Variants in DDX17 observed in about 807,000 individuals in gnomAD.
The protein encoded by DDX17 is DEAD-box helicase 17, also known as probable ATP-dependent RNA helicase DDX17.
DDX17 carries 10 observed loss-of-function variants against 80.8 expected under a neutral mutation model. That is an observed-to-expected ratio of 0.12 (90% CI 0.08 to 0.21). DDX17 has a LOEUF of 0.21. Ranked by LOEUF, DDX17 falls within the 10% of genes least tolerant of loss-of-function variation. The probability of loss-of-function intolerance (pLI) is 1.00; values close to 1 mark genes in which losing one functional copy is unlikely to be tolerated. For missense variants in DDX17, 586 were observed against 957.4 expected (o/e 0.61, Z 5.12); for synonymous variants, 339 against 336.2 (o/e 1.01, Z -0.09).
At position 38,489,960 on chromosome 22, in the gene DDX17, G is replaced by A. The variant is rs984238787; in HGVS notation, c.1448-1845C>T. 5.9e-6 allele frequency: 6 copies of A among 1,011,444 alleles called. No individual in the cohort carries two copies. Among genetic ancestry groups the A allele is most frequent in the South Asian group, 3.9e-5 (1 of 25,320 alleles). 62.7% of individuals were successfully genotyped at this position (1,011,444 alleles called of 1,614,324 possible). The stretch of plus-strand genomic sequence containing the variant: ...CAAGTTCAATTACTACACTGGATGC[G>A]TTAAGTGTGCTTTCCTAGCAGAAAG... On this transcript the variant is annotated intron_variant, in intron 11 of 12. Coordinates refer to ENST00000403230, the MANE Select transcript of DDX17 (RefSeq NM_006386.5). This position sits in a 1 kb window ranked among gnomAD's most constrained non-coding sequence, Gnocchi z 4.6.
chr22:38,488,754 C>A, intron 11 of DDX17: 1 of 985,772 alleles, frequency 1.0e-6, no homozygotes, highest in Non-Finnish European at 1.2e-6. Context: ...GCAGAAACAT[C>A]CAGATTATCT....
intron 11 of DDX17, chr22:38,488,657 TTTGA>T (rs995780881): frequency 2.0e-6 from 2 of 987,606 alleles, no homozygotes; most frequent in Non-Finnish European, 1.2e-6. Flanking sequence ...ACTTAAATGT[TTTGA>T]TTAACATTTA....
Position 38,494,125 on chromosome 22 carries a change from G to A in DDX17, c.1221C>T (p.Ile407=). 6.2e-7 allele frequency: 1 copy of A among 1,608,170 alleles called. No individual in the cohort carries two copies. The highest frequency in any genetic ancestry group is 8.5e-7 in the Non-Finnish European group (1 of 1,175,008). Residue 407 remains isoleucine, a synonymous_variant, in exon 9 of 13, where the codon ATC becomes ATT. Transcript: ENST00000403230. Reference sequence around the variant, plus strand: ...CAGCCATTATTTCTTCCATTAGTTGGATCAACCTGAAAACATGACCAACAA... The same window carrying A: ...CAGCCATTATTTCTTCCATTAGTTGAATCAACCTGAAAACATGACCAACAA...
intron 8 of DDX17, 28 bp downstream of exon 8, chr22:38,494,602 T>C (rs2089743652): frequency 1.2e-6 from 2 of 1,608,452 alleles, no homozygotes; most frequent in African/African-American, 2.7e-5. Context: ...ATCAGCATTA[T>C]CAAATCAGAG....
chr22:38,492,647 C>T lies in DDX17; in HGVS notation c.1388-532G>A, dbSNP rs188720401. 3.7e-3 allele frequency among the ~76,000 whole-genome samples: 560 copies of T among 152,226 alleles called. 1 individual carries two copies. The highest frequency in any genetic ancestry group is 0.013 in the African/African-American group (532 of 41,528). On this transcript the variant is annotated intron_variant, in intron 10 of 12. Transcript: ENST00000403230. ...GATTACAGGCATATGCCACCATGCC[C>T]GGCTAATTTTGTATTTTTAGTAGAG...
At chr22:38,497,297 C>CA (rs138448) in intron 5 of DDX17, among the ~76,000 whole-genome samples, 1,211 of 36,154 alleles carry the variant, frequency 0.033, 179 homozygotes, top group African/African-American at 0.075. Flanking sequence ...AACTCCATCT[C>CA]AAAAAAAAAA....
chr22:38,499,892 C>G (rs576411567), intron 2 of DDX17, among the ~76,000 whole-genome samples: 1 of 151,908 alleles, frequency 6.6e-6, no homozygotes, highest in African/African-American at 2.4e-5. Context: ...TGGCTGGGCA[C>G]GGTGGCTCCC....
rs1007394253 is a variant in DDX17, at chr22:38,484,171, T to C, written c.*1764A>G. On this transcript the variant is annotated 3_prime_UTR_variant, in exon 13 of 13. Transcript: ENST00000403230. The stretch of plus-strand genomic sequence containing the variant: ...TTTGGGGTTGGGGGGAACACTTTGG[T>C]TTGAAAGCACAGAGCAGTTTGCCAT... 6.6e-6 allele frequency: 1 copy of C among 151,476 alleles called. No individual in the cohort carries two copies. Among genetic ancestry groups the C allele is most frequent in the African/African-American group, 2.4e-5 (1 of 41,108 alleles). The allele number at this position is 151,476 out of a possible 1,614,324, so 9.4% of individuals were successfully genotyped here.
intron 6 of DDX17, 139 bp downstream of exon 6, chr22:38,495,657 G>A: frequency 4.6e-6 from 3 of 647,712 alleles, no homozygotes; most frequent in Non-Finnish European, 7.4e-6. Flanking sequence ...CAAAATAGCT[G>A]TTTTAGTCAC....
rs768727181 is a variant in DDX17, at chr22:38,506,176, G to A, written c.62C>T (p.Ala21Val). 1.3e-6 allele frequency: 2 copies of A among 1,599,188 alleles called. No individual in the cohort carries two copies. Among genetic ancestry groups the A allele is most frequent in the Non-Finnish European group, 8.5e-7 (1 of 1,173,956 alleles). The change falls in exon 1 of 13, where the codon GCG becomes GTG. Residue 21 changes from alanine to valine, a missense_variant. Ala to Val is a moderately conservative substitution (Grantham distance 64, BLOSUM62 0). Transcript: ENST00000403230. ...TCCCGTCGCAGACGCCACCGTCGCC[G>A]CCTCTCTCGTCGGAGACGGGAGCAA...
intron 11 of DDX17, 167 bp downstream of exon 11, chr22:38,491,889 G>A: frequency 2.1e-6 from 1 of 466,760 alleles, no homozygotes; most frequent in Non-Finnish European, 3.7e-6. Context: ...AAAAATTGTG[G>A]GGGGGGCAGG....
chr22:38,505,837 C>A (rs2089876589), intron 1 of DDX17, 114 bp downstream of exon 1: 34 of 1,337,066 alleles, frequency 2.5e-5, no homozygotes, highest in Non-Finnish European at 3.4e-5. Flanking sequence ...GAGTCGCCTC[C>A]CCTCGCCTCC....
intron 6 of DDX17, among the ~76,000 whole-genome samples, chr22:38,495,505 A>G (rs1007170909): frequency 6.6e-6 from 1 of 152,156 alleles, no homozygotes; most frequent in Admixed American, 6.5e-5. Flanking sequence ...TCGGCCTCCC[A>G]AAGTGCTGGG....
At chr22:38,497,297 CAAAAAAAA>C (rs138448) in intron 5 of DDX17, among the ~76,000 whole-genome samples, 2 of 36,182 alleles carry the variant, frequency 5.5e-5, no homozygotes, top group African/African-American at 1.3e-4. Flanking sequence ...AACTCCATCT[CAAAAAAAA>C]AAAAAAAAAA....
chr22:38,491,746 C>T (rs1169602189), intron 11 of DDX17: 5 of 269,922 alleles, frequency 1.9e-5, no homozygotes, highest in African/African-American at 1.1e-4. Context: ...AGAAGCTGAG[C>T]CATTCAGCTG....
At chr22:38,495,304 G>T (rs550152006) in intron 6 of DDX17, among the ~76,000 whole-genome samples, 31 of 145,696 alleles carry the variant, frequency 2.1e-4, no homozygotes, top group Non-Finnish European at 4.2e-4. Context: ...GGAATGCAGT[G>T]GCACGATCTC....
At chr22:38,504,924 G>A (rs914126587) in intron 1 of DDX17, among the ~76,000 whole-genome samples, 2 of 151,920 alleles carry the variant, frequency 1.3e-5, no homozygotes, top group East Asian at 3.9e-4. Context: ...CGGGGGGGTC[G>A]GGGGAGACGG....
At chr22:38,498,380 C>T in intron 4 of DDX17, 60 bp downstream of exon 4, 9 of 1,605,474 alleles carry the variant, frequency 5.6e-6, no homozygotes, top group Non-Finnish European at 7.7e-6. Flanking sequence ...GAACGTATGA[C>T]AACTAGAATA....
Position 38,486,311 on chromosome 22 carries a change from C to G in DDX17, c.1814G>C (p.Arg605Pro), listed in dbSNP as rs763729177. The change falls in exon 13 of 13, where the codon CGT (arginine) becomes CCT (proline). Residue 605 changes from arginine (R) to proline (P), a missense_variant. Arg to Pro is a moderately radical substitution (Grantham distance 103, BLOSUM62 -2). Coordinates refer to ENST00000403230, the MANE Select transcript of DDX17 (RefSeq NM_006386.5). ...ATAACCAGCTCTATCGGTTTCACTACGATCCCGATAGCTTGCAGAGTCTCT... is the reference window on the plus strand; with the variant it reads ...ATAACCAGCTCTATCGGTTTCACTAGGATCCCGATAGCTTGCAGAGTCTCT... 6.2e-7 allele frequency: 1 copy of G among 1,614,190 alleles called. No homozygotes were observed. The highest frequency in any genetic ancestry group is 2.2e-5 in the East Asian group (1 of 44,894).
Sources: allele counts gnomAD v4.1 joint callset (sites outside exome capture counted in the v4.1 genomes callset), GRCh38; gene constraint gnomAD v4.1.1; non-coding constraint Gnocchi (gnomAD v3.1); transcripts MANE v1.5; gene names NCBI Gene and HGNC (gene_info 2026-07-23, HGNC 2026-07-21).